PPP2R5E: variants seen among roughly 807,000 people sequenced by gnomAD.
PPP2R5E encodes the protein protein phosphatase 2 regulatory subunit B'epsilon, also known as serine/threonine-protein phosphatase 2A 56 kDa regulatory subunit epsilon isoform.
In PPP2R5E, 4 loss-of-function variants were observed where a neutral mutation model predicts 65.3. That is an observed-to-expected ratio of 0.06 (90% CI 0.03 to 0.14). The LOEUF (loss-of-function observed/expected upper bound fraction) is 0.14. PPP2R5E is among the 10% of genes least tolerant of loss of function. PPP2R5E has a pLI of 1.00. For synonymous variants in PPP2R5E, 183 were observed against 187.4 expected, an observed-to-expected ratio of 0.98 and a Z score of 0.19; for missense variants, 274 against 556.1, an observed-to-expected ratio of 0.49 and a Z score of 5.10.
intron 3 of PPP2R5E, among the ~76,000 whole-genome samples, chr14:63,448,328 A>G (rs1218965042): frequency 6.6e-6 from 1 of 152,138 alleles, no homozygotes; most frequent in Non-Finnish European, 1.5e-5. Context: ...TAATTTTTAA[A>G]AAGTAACTTC....
chr14:63,530,210 G>A (rs58308869), intron 2 of PPP2R5E, among the ~76,000 whole-genome samples: 3,265 of 142,032 alleles, frequency 0.023, 127 homozygotes, highest in African/African-American at 0.08. Context: ...CGAACCCTAA[G>A]TTAAGAAATT....
intron 3 of PPP2R5E, among the ~76,000 whole-genome samples, chr14:63,448,167 G>A (rs943422832): frequency 1.3e-5 from 2 of 151,634 alleles, no homozygotes; most frequent in Non-Finnish European, 2.9e-5. Context: ...CGTGGTGGCG[G>A]GCGCCTGTAG....
At chr14:63,394,468 G>C (rs1594822848) in intron 7 of PPP2R5E, among the ~76,000 whole-genome samples, 2 of 152,188 alleles carry the variant, frequency 1.3e-5, no homozygotes, top group African/African-American at 4.8e-5. Flanking sequence ...ACCCAACAAA[G>C]GCTCCTGTGC....
At chr14:63,436,758 TA>T (rs922315231) in intron 3 of PPP2R5E, among the ~76,000 whole-genome samples, 30 of 152,328 alleles carry the variant, frequency 2.0e-4, no homozygotes, top group Middle Eastern at 3.4e-3. Flanking sequence ...GAGAAGGATC[TA>T]GGGGCAGGAA....
intron 2 of PPP2R5E, among the ~76,000 whole-genome samples, chr14:63,458,899 C>T (rs185840621): frequency 1.3e-3 from 200 of 152,246 alleles, no homozygotes; most frequent in Non-Finnish European, 1.9e-3. Flanking sequence ...GTATTACTCA[C>T]TTAGCCCTTT....
chr14:63,448,054 T>C (rs1220887707), intron 3 of PPP2R5E, among the ~76,000 whole-genome samples: 3 of 152,174 alleles, frequency 2.0e-5, no homozygotes, highest in Admixed American at 6.5e-5. Context: ...TCCCAGCACT[T>C]TGGGAGGCCA....
rs553385653 is a variant in PPP2R5E at position 63,415,000 on chromosome 14, T to A, written c.549+140A>T. The A allele has an allele frequency of 5.4e-3, 2,337 of 435,350 alleles. 9 individuals carry two copies. The highest frequency in any genetic ancestry group is 6.3e-3 in the Non-Finnish European group (1,562 of 247,520). The allele number at this position is 435,350 out of a possible 1,614,324, so 27.0% of individuals were successfully genotyped here. A position where few individuals can be genotyped will look rare whatever the true frequency, so the allele number is the denominator to read the frequency against. Reference sequence around the variant, plus strand: ...TACTTTTAATAGGCAGTAATGGAAATTAACTTATGTTTATATATATATATA... The same window carrying A: ...TACTTTTAATAGGCAGTAATGGAAAATAACTTATGTTTATATATATATATA... On this transcript the variant is annotated intron_variant, in intron 5 of 13. Coordinates refer to ENST00000337537, the MANE Select transcript of PPP2R5E (RefSeq NM_006246.5).
chr14:63,396,287 G>C (rs1473700307), intron 6 of PPP2R5E, among the ~76,000 whole-genome samples: 1 of 92,724 alleles, frequency 1.1e-5, no homozygotes, highest in Admixed American at 1.0e-4. Context: ...GGGGAGAGGA[G>C]GGATAGAGAA....
chr14:63,478,940 TGGTGAAACCC>T lies in PPP2R5E; in HGVS notation c.158-25065_158-25056del, dbSNP rs1380802093. 3.9e-5 allele frequency among the ~76,000 whole-genome samples: 5 copies of T among 129,798 alleles called. No homozygotes were observed. The South Asian group carries it at 6.7e-4, about 17-fold the overall frequency. 85.2% of individuals were successfully genotyped at this position (129,798 alleles called of 152,430 possible). A position where few individuals can be genotyped will look rare whatever the true frequency, so the allele number is the denominator to read the frequency against. On this transcript the variant is annotated intron_variant, in intron 2 of 13. Coordinates refer to ENST00000337537, the MANE Select transcript of PPP2R5E (RefSeq NM_006246.5). ...GAGTTCGAGACCAGCCTGGCCAATA[TGGTGAAACCC>T]CCATCTTGTACTAAAAATCCAAAAA...
chr14:63,479,750 T>C (rs538750447), intron 2 of PPP2R5E, among the ~76,000 whole-genome samples: 1 of 152,254 alleles, frequency 6.6e-6, no homozygotes, highest in Admixed American at 6.5e-5. Context: ...TCCCAGTTAG[T>C]GAAATGAAAC....
At position 63,453,780 on chromosome 14, in the gene PPP2R5E, T is replaced by C. The variant is rs1888980951; in HGVS notation, c.263A>G (p.Tyr88Cys). 6.2e-7 allele frequency: 1 copy of C among 1,610,546 alleles called. No homozygotes were observed. ...CAGTTCATTAAGAGTGGAGCGCTTGTATTCTTTCATTTTAAGATCAGATAG... is the reference window on the plus strand; with the variant it reads ...CAGTTCATTAAGAGTGGAGCGCTTGCATTCTTTCATTTTAAGATCAGATAG... ...DTLSDLKMKE[Y>C]KRSTLNELVD... The change falls in exon 3 of 14, where the codon TAC (tyrosine) becomes TGC (cysteine). Residue 88 changes from tyrosine to cysteine, a missense_variant. Coordinates refer to ENST00000337537, the MANE Select transcript of PPP2R5E (RefSeq NM_006246.5).
At chr14:63,509,712 T>A (rs1892374534) in intron 2 of PPP2R5E, among the ~76,000 whole-genome samples, 1 of 151,928 alleles carries the variant, frequency 6.6e-6, no homozygotes, top group Non-Finnish European at 1.5e-5. Context: ...GCAAATGGAG[T>A]CAATGCCTGT....
chr14:63,490,696 C>T lies in PPP2R5E; in HGVS notation c.158-36811G>A, dbSNP rs1337226602. Among the ~76,000 whole-genome samples, 4 of 152,034 alleles carry T rather than the reference C, an allele frequency of 2.6e-5. No homozygotes were observed. In the East Asian group the frequency reaches 7.7e-4, roughly 29 times the overall value. On this transcript the variant is annotated intron_variant, in intron 2 of 13. Transcript: ENST00000337537. ...AAAATCACAACGAGATACCATCGCACACCAGTCGGAATGAGTACTATTAAA... is the reference window on the plus strand; with the variant it reads ...AAAATCACAACGAGATACCATCGCATACCAGTCGGAATGAGTACTATTAAA...
intron 2 of PPP2R5E, among the ~76,000 whole-genome samples, chr14:63,498,925 T>C (rs1350881001): frequency 6.6e-6 from 1 of 152,146 alleles, no homozygotes; most frequent in Non-Finnish European, 1.5e-5. Context: ...AGAATGGCTC[T>C]TTAAAGTAAA....
chr14:63,464,072 G>A (rs1889650388), intron 2 of PPP2R5E, among the ~76,000 whole-genome samples: 1 of 151,972 alleles, frequency 6.6e-6, no homozygotes, highest in Non-Finnish European at 1.5e-5. Flanking sequence ...AAAATGAGAA[G>A]GTCTAGTGCA....
chr14:63,487,542 C>T lies in PPP2R5E; in HGVS notation c.158-33657G>A, dbSNP rs1202867765. On this transcript the variant is annotated intron_variant, in intron 2 of 13. Coordinates refer to ENST00000337537, the MANE Select transcript of PPP2R5E (RefSeq NM_006246.5). ...GTCAATGCCAACGATGTAGGCATTTCGAAATCAATCTAATGATTTCTGAAA... is the reference window on the plus strand; with the variant it reads ...GTCAATGCCAACGATGTAGGCATTTTGAAATCAATCTAATGATTTCTGAAA... 4.6e-5 allele frequency among the ~76,000 whole-genome samples: 7 copies of T among 152,058 alleles called. No homozygotes were observed. The South Asian group carries it at 1.2e-3, about 27-fold the overall frequency.
At chr14:63,502,265 G>C (rs924354565) in intron 2 of PPP2R5E, among the ~76,000 whole-genome samples, 3 of 152,110 alleles carry the variant, frequency 2.0e-5, no homozygotes, top group African/African-American at 7.2e-5. Flanking sequence ...GAGGCAGGAG[G>C]TGCTGCCCGG....
chr14:63,399,366 CTTTTTTTTTTTTTTTTTTTTTT>C (rs397814218), intron 5 of PPP2R5E, among the ~76,000 whole-genome samples: 1 of 48,504 alleles, frequency 2.1e-5, no homozygotes, highest in Non-Finnish European at 3.6e-5. Context: ...GGATTTCTTT[CTTTTTTTTTTTTTTTTTTTTTT>C]TTTTTTTTTT....
At chr14:63,531,054 T>C (rs1191897968) in intron 2 of PPP2R5E, among the ~76,000 whole-genome samples, 1 of 152,176 alleles carries the variant, frequency 6.6e-6, no homozygotes, top group Non-Finnish European at 1.5e-5. Context: ...CTGGGTACAA[T>C]CTTTCATAAA....
Sources: gnomAD v4.1 joint callset for allele counts (sites outside exome capture counted in the v4.1 genomes callset) on GRCh38, gnomAD v4.1.1 for gene constraint, MANE v1.5 for transcripts, NCBI Gene and HGNC (gene_info 2026-07-23, HGNC 2026-07-21) for gene names.